A1CF: variants seen among roughly 807,000 people sequenced by gnomAD.
A1CF encodes the protein APOBEC1 complementation factor.
A1CF carries 48 observed loss-of-function variants against 68.9 expected under a neutral mutation model. The observed-to-expected ratio is 0.70, with a 90% CI of 0.55 to 0.89. The LOEUF is 0.89. Ranked by LOEUF, A1CF falls within the 40% of genes least tolerant of loss-of-function variation. The probability of loss-of-function intolerance (pLI) is 0.00; values close to 1 mark genes in which losing one functional copy is unlikely to be tolerated. For missense variants in A1CF, 653 were observed against 718.9 expected, an observed-to-expected ratio of 0.91 and a Z score of 1.05; for synonymous variants, 272 against 260.4, an observed-to-expected ratio of 1.04 and a Z score of -0.43.
chr10:50,869,028 T>C (rs1325489211), intron 1 of A1CF, among the ~76,000 whole-genome samples: 1 of 152,000 alleles, frequency 6.6e-6, no homozygotes, highest in African/African-American at 2.4e-5. Flanking sequence ...GAAAAATAAC[T>C]AGTGGGTACT....
At chr10:50,860,472 G>T (rs1251438385) in intron 2 of A1CF, among the ~76,000 whole-genome samples, 1 of 152,124 alleles carries the variant, frequency 6.6e-6, no homozygotes, top group Non-Finnish European at 1.5e-5. Context: ...AGCAAAATAT[G>T]CCAGTATCAC....
intron 5 of A1CF, among the ~76,000 whole-genome samples, chr10:50,839,224 G>C (rs1049940133): frequency 2.6e-5 from 4 of 151,960 alleles, no homozygotes; most frequent in Admixed American, 6.6e-5. Flanking sequence ...AGGCCCTATT[G>C]GGTAACAATG....
chr10:50,878,386 A>G (rs1366470619), intron 1 of A1CF, among the ~76,000 whole-genome samples: 1 of 152,200 alleles, frequency 6.6e-6, no homozygotes, highest in Non-Finnish European at 1.5e-5. Context: ...TATTATTCTA[A>G]GCACTTTACA....
At chr10:50,860,402 T>G (rs1443760925) in intron 2 of A1CF, among the ~76,000 whole-genome samples, 2 of 152,188 alleles carry the variant, frequency 1.3e-5, no homozygotes, top group African/African-American at 4.8e-5. Context: ...AGAGATTGAG[T>G]TTTAGTCTGT....
At chr10:50,872,946 CTTTTT>C (rs34770362) in intron 1 of A1CF, among the ~76,000 whole-genome samples, 35 of 67,300 alleles carry the variant, frequency 5.2e-4, no homozygotes, top group African/African-American at 1.8e-3. Context: ...ATTTAAGTTC[CTTTTT>C]TTTTTTTTTT....
chr10:50,805,306 G>A lies in A1CF; in HGVS notation c.*1423C>T, dbSNP rs907853763. On this transcript the variant is annotated 3_prime_UTR_variant, in exon 13 of 13. Transcript: ENST00000373997. The stretch of plus-strand genomic sequence containing the variant: ...TAGTACTGTGTCTTAAACCACTAAT[G>A]AGATTGATGTAGGAGTAACAGGTAT... The A allele has an allele frequency of 3.9e-5, 6 of 152,170 alleles. No homozygotes were observed. The highest frequency in any genetic ancestry group is 1.4e-4 in the African/African-American group (6 of 41,436). The allele number at this position is 152,170 out of a possible 1,614,324, so 9.4% of individuals were successfully genotyped here.
In A1CF at chr10:50,814,032, G is replaced by A. The variant is rs757450367; in HGVS notation, c.1148C>T (p.Ala383Val). The change falls in exon 10 of 13, where the codon GCG becomes GTG. Residue 383 changes from alanine to valine, a missense_variant. Coordinates refer to ENST00000373997, the MANE Select transcript of A1CF (RefSeq NM_014576.4). The stretch of plus-strand genomic sequence containing the variant: ...ACGGCCGCCCAGTCCTCTCACTCCC[G>A]CAGCCCCTACAGGTACATTCATGTA... ...IIRAPSVRGA[A>V]GVRGLGGRGY... is the part of the protein sequence containing the mutation. The A allele has an allele frequency of 6.8e-6, 11 of 1,613,254 alleles. No individual in the cohort carries two copies. In the South Asian group the frequency reaches 7.7e-5, roughly 11 times the overall value.
chr10:50,849,786 C>CTTTTTTTTT (rs71949925), intron 3 of A1CF, among the ~76,000 whole-genome samples: 5 of 83,658 alleles, frequency 6.0e-5, no homozygotes, highest in Non-Finnish European at 8.5e-5. Flanking sequence ...TTAATGAATT[C>CTTTTTTTTT]TTTTTTTTTT....
At chr10:50,834,351 C>T (rs1383438812) in intron 6 of A1CF, among the ~76,000 whole-genome samples, 1 of 152,118 alleles carries the variant, frequency 6.6e-6, no homozygotes, top group Non-Finnish European at 1.5e-5. Context: ...AGGTAGGTTT[C>T]TCAAGAAGGT....
At chr10:50,820,691 A>C (rs1838609559) in intron 7 of A1CF, 42 bp from the exon 8 acceptor site, 2 of 1,543,176 alleles carry the variant, frequency 1.3e-6, no homozygotes, top group Non-Finnish European at 1.8e-6. Context: ...CAAAATTAAG[A>C]GAGCCTTGAA....
At chr10:50,810,188 T>C (rs1038505178) in intron 11 of A1CF, 146 bp from the exon 12 acceptor site, 2 of 906,044 alleles carry the variant, frequency 2.2e-6, no homozygotes, top group Non-Finnish European at 3.3e-6. Context: ...TTAAAGCTTC[T>C]AAATATAGGT....
rs754200083 is a variant in A1CF at position 50,806,684 on chromosome 10, T to TA, written c.*44dup. ...TAGAGGTTTATTTCTTTTTTTTTTT[T>TA]AATAGAGTTTTGTGTGTCTTATTCT... On this transcript the variant is annotated 3_prime_UTR_variant, in exon 13 of 13. Coordinates refer to ENST00000373997, the MANE Select transcript of A1CF (RefSeq NM_014576.4). 11 of 1,509,828 alleles carry TA rather than the reference T, an allele frequency of 7.3e-6. No individual in the cohort carries two copies. In the Admixed American group the frequency reaches 2.3e-4, roughly 31 times the overall value. The allele number at this position is 1,509,828 out of a possible 1,614,324, so 93.5% of individuals were successfully genotyped here.
intron 10 of A1CF, among the ~76,000 whole-genome samples, chr10:50,811,772 T>G (rs996640952): frequency 6.6e-6 from 1 of 152,224 alleles, no homozygotes; most frequent in Non-Finnish European, 1.5e-5. Context: ...GTTTTTTTGC[T>G]TAATGACAAT....
At chr10:50,836,431 A>G in intron 5 of A1CF, 119 bp from the exon 6 acceptor site, 1 of 1,112,448 alleles carries the variant, frequency 9.0e-7, no homozygotes, top group South Asian at 1.7e-5. Flanking sequence ...ATAGTGTTGA[A>G]ACCATTTTTG....
chr10:50,845,127 G>C (rs1589011752), intron 3 of A1CF, among the ~76,000 whole-genome samples: 3 of 151,946 alleles, frequency 2.0e-5, no homozygotes, highest in Admixed American at 6.6e-5. Context: ...TACTTTTTTT[G>C]TTTCAAACAA....
At chr10:50,835,453 C>T (rs758510043) in intron 6 of A1CF, among the ~76,000 whole-genome samples, 1 of 152,024 alleles carries the variant, frequency 6.6e-6, no homozygotes. Flanking sequence ...TTAGAATGAG[C>T]CAAGAACTGT....
chr10:50,869,300 T>C (rs1364093337), intron 1 of A1CF, among the ~76,000 whole-genome samples: 1 of 152,170 alleles, frequency 6.6e-6, no homozygotes, highest in Non-Finnish European at 1.5e-5. Context: ...ACATAGTACC[T>C]GGCATATAGA....
At chr10:50,824,767 C>T (rs141048176) in intron 7 of A1CF, among the ~76,000 whole-genome samples, 188 of 152,286 alleles carry the variant, frequency 1.2e-3, no homozygotes, top group African/African-American at 4.3e-3. Context: ...GAGTTCAAAT[C>T]CAGGATCTGC....
At chr10:50,807,690 A>T (rs1239759281) in intron 12 of A1CF, among the ~76,000 whole-genome samples, 4 of 152,208 alleles carry the variant, frequency 2.6e-5, no homozygotes, top group Admixed American at 2.6e-4. Context: ...CTAAAGCATT[A>T]TTTCTCTGTA....
Sources: gnomAD v4.1 joint callset for allele counts (sites outside exome capture counted in the v4.1 genomes callset) on GRCh38, gnomAD v4.1.1 for gene constraint, MANE v1.5 for transcripts, NCBI Gene and HGNC (gene_info 2026-07-23, HGNC 2026-07-21) for gene names.